GULP1: variants seen among roughly 807,000 people sequenced by gnomAD.
GULP1 encodes GULP PTB domain containing engulfment adaptor 1.
Under a neutral mutation model 40.9 loss-of-function variants are expected in GULP1, and 19 were observed. The ratio of observed to expected loss-of-function variants is 0.46; its 90% confidence interval spans 0.32 to 0.68. The LOEUF is 0.68. GULP1 is among the 30% of genes least tolerant of loss of function. GULP1 has a pLI of 0.03. For synonymous variants in GULP1, 119 were observed against 117.6 expected, an observed-to-expected ratio of 1.01 and a Z score of -0.08; for missense variants, 312 against 362.2, an observed-to-expected ratio of 0.86 and a Z score of 1.12.
At position 188,360,147 on chromosome 2, in the gene GULP1, T is replaced by A. The variant is rs2045899188; in HGVS notation, c.-171-23616T>A. 3.9e-5 allele frequency among the ~76,000 whole-genome samples: 6 copies of A among 152,152 alleles called. No homozygotes were observed. The South Asian group carries it at 1.2e-3, about 32-fold the overall frequency. ...ATCCTGTAGTTTCCTGCTGGTTTAC[T>A]TTGATGATTCTACCTACTTCATTCT... is the stretch of plus-strand genomic sequence containing the variant. On this transcript the variant is annotated intron_variant, in intron 1 of 11. Coordinates refer to ENST00000409830, the MANE Select transcript of GULP1 (RefSeq NM_016315.4).
In GULP1 at chr2:188,569,354, G is replaced by T. The variant is rs947271518; in HGVS notation, c.515G>T (p.Arg172Ile). 10 of 1,380,252 alleles carry T rather than the reference G, an allele frequency of 7.2e-6. No individual in the cohort carries two copies. Among genetic ancestry groups the T allele is most frequent in the African/African-American group, 2.8e-5 (2 of 70,350 alleles). The allele number at this position is 1,380,252 out of a possible 1,614,324, so 85.5% of individuals were successfully genotyped here. ...AAACAGATCGCAGGGTTACAAAAAA[G>T]AGTGAGTAAACTAAGCTTGTTGTTT... ...TRKQIAGLQKRIQDLETENME... is the reference protein window; with the variant it reads ...TRKQIAGLQKIIQDLETENME... Residue 172 changes from arginine (R) to isoleucine (I), a missense_variant and splice_region_variant, in exon 8 of 12, where the codon AGA becomes ATA. By Grantham distance (97) the Arg-to-Ile change is moderately conservative. Coordinates refer to ENST00000409830, the MANE Select transcript of GULP1 (RefSeq NM_016315.4).
chr2:188,359,083 T>C (rs1240154440), intron 1 of GULP1, among the ~76,000 whole-genome samples: 6 of 152,170 alleles, frequency 3.9e-5, no homozygotes, highest in Admixed American at 3.3e-4. Context: ...ATCAATTATT[T>C]TTTTCACAGA....
intron 1 of GULP1, among the ~76,000 whole-genome samples, chr2:188,368,939 G>GTGTGTATATATATATA (rs1272494109): frequency 2.3e-5 from 2 of 86,084 alleles, no homozygotes; most frequent in African/African-American, 8.2e-5. Context: ...ATATATGTGT[G>GTGTGTATATATATATA]TATATATATA....
At chr2:188,377,285 G>A (rs189614054) in intron 1 of GULP1, among the ~76,000 whole-genome samples, 58 of 152,250 alleles carry the variant, frequency 3.8e-4, no homozygotes, top group Middle Eastern at 3.4e-3. Context: ...ACACACCAAC[G>A]GAAATAATAA....
At chr2:188,476,663 C>T (rs1174420819) in intron 2 of GULP1, among the ~76,000 whole-genome samples, 1 of 152,094 alleles carries the variant, frequency 6.6e-6, no homozygotes, top group Non-Finnish European at 1.5e-5. Flanking sequence ...CACTAGTCCT[C>T]ACAGAAGATA....
At chr2:188,381,362 G>T (rs1481089038) in intron 1 of GULP1, among the ~76,000 whole-genome samples, 1 of 151,900 alleles carries the variant, frequency 6.6e-6, no homozygotes, top group Non-Finnish European at 1.5e-5. Context: ...AGTATGACTG[G>T]GTTTCAGTCA....
At chr2:188,473,158 TC>T (rs59961818) in intron 2 of GULP1, among the ~76,000 whole-genome samples, 16,790 of 148,380 alleles carry the variant, frequency 0.11, 2,162 homozygotes, top group African/African-American at 0.31. Context: ...TCTCTCTTTC[TC>T]TCTCTCTCTC....
rs576057007 is a variant in GULP1 at position 188,462,874 on chromosome 2, A to G, written c.-44-14785A>G. On this transcript the variant is annotated intron_variant, in intron 2 of 11. Coordinates refer to ENST00000409830, the MANE Select transcript of GULP1 (RefSeq NM_016315.4). ...TAACAACTTAACATCATTTTCATAA[A>G]CAAACAAACAAGGAATTAAAACTTA... Among the ~76,000 whole-genome samples, 3 of 152,154 alleles carry G rather than the reference A, an allele frequency of 2.0e-5. No homozygotes were observed. In the South Asian group the frequency reaches 6.2e-4, roughly 32 times the overall value.
intron 2 of GULP1, among the ~76,000 whole-genome samples, chr2:188,414,449 G>A (rs1015090691): frequency 6.6e-6 from 1 of 152,116 alleles, no homozygotes; most frequent in Non-Finnish European, 1.5e-5. Context: ...AATCTAGCCA[G>A]CAGGCACTTG....
rs1465846142 is a variant in GULP1 at position 188,595,709 on chromosome 2, T to TTAA, written c.*1698_*1699insTAA. 1 of 152,050 alleles carries TTAA rather than the reference T, an allele frequency of 6.6e-6. No individual in the cohort carries two copies. Among genetic ancestry groups the TTAA allele is most frequent in the African/African-American group, 2.4e-5 (1 of 41,362 alleles). The allele number at this position is 152,050 out of a possible 1,614,324, so 9.4% of individuals were successfully genotyped here. ...TATTATCAATGGTAACACAATGGAGTACTAAGATGGTATTTGCACATTTAA... is the reference window on the plus strand; with the variant it reads ...TATTATCAATGGTAACACAATGGAGTTAAACTAAGATGGTATTTGCACATTTAA... On this transcript the variant is annotated 3_prime_UTR_variant, in exon 12 of 12. Coordinates refer to ENST00000409830, the MANE Select transcript of GULP1 (RefSeq NM_016315.4).
chr2:188,350,000 C>CA (rs2044225336), intron 1 of GULP1, among the ~76,000 whole-genome samples: 2 of 152,016 alleles, frequency 1.3e-5, no homozygotes, highest in South Asian at 2.1e-4. Context: ...GGCACCTTTG[C>CA]AAAAAATCAA....
intron 2 of GULP1, among the ~76,000 whole-genome samples, chr2:188,437,270 C>G (rs2057494049): frequency 6.6e-6 from 1 of 152,076 alleles, no homozygotes; most frequent in South Asian, 2.1e-4. Context: ...TTTGCAAATG[C>G]TCTTTCAGGC....
At chr2:188,352,666 G>A (rs1210491036) in intron 1 of GULP1, among the ~76,000 whole-genome samples, 2 of 105,710 alleles carry the variant, frequency 1.9e-5, no homozygotes, top group Non-Finnish European at 4.0e-5. Context: ...GTTTCTTGGA[G>A]AACCCTGACT....
intron 2 of GULP1, among the ~76,000 whole-genome samples, chr2:188,435,795 G>C (rs2057353007): frequency 6.6e-6 from 1 of 152,038 alleles, no homozygotes; most frequent in Non-Finnish European, 1.5e-5. Context: ...TTAAAGGAGA[G>C]ACAAAGGCTG....
chr2:188,457,936 C>A (rs2059399390), intron 2 of GULP1, among the ~76,000 whole-genome samples: 1 of 152,128 alleles, frequency 6.6e-6, no homozygotes, highest in Admixed American at 6.5e-5. Context: ...CTCCTTATAT[C>A]TTCCATTCAC....
At chr2:188,348,616 A>G (rs545337108) in intron 1 of GULP1, among the ~76,000 whole-genome samples, 5 of 144,456 alleles carry the variant, frequency 3.5e-5, no homozygotes, top group South Asian at 4.8e-4. Context: ...GCAGAATATC[A>G]CGATACTGAA....
At chr2:188,456,202 CAGTAATTTGCATA>C (rs71399280) in intron 2 of GULP1, among the ~76,000 whole-genome samples, 23,803 of 152,086 alleles carry the variant, frequency 0.16, 2,115 homozygotes, top group African/African-American at 0.23. Flanking sequence ...AAGCTAGCTG[CAGTAATTTGCATA>C]AGTAATTTGC....
At chr2:188,329,695 T>A (rs2041288349) in intron 1 of GULP1, among the ~76,000 whole-genome samples, 1 of 152,024 alleles carries the variant, frequency 6.6e-6, no homozygotes, top group South Asian at 2.1e-4. Context: ...TGGAGAATAA[T>A]CTCTATGGGG....
intron 1 of GULP1, among the ~76,000 whole-genome samples, chr2:188,331,720 C>T (rs962964305): frequency 2.0e-5 from 3 of 152,014 alleles, no homozygotes; most frequent in Non-Finnish European, 2.9e-5. Context: ...GGAGGATATC[C>T]TCAAAATGTT....
Sources: gnomAD v4.1 joint callset for allele counts (sites outside exome capture counted in the v4.1 genomes callset) on GRCh38, gnomAD v4.1.1 for gene constraint, MANE v1.5 for transcripts, NCBI Gene and HGNC (gene_info 2026-07-23, HGNC 2026-07-21) for gene names.